The following KAZN variants were observed in gnomAD, a reference collection of about 807,000 sequenced individuals.
KAZN encodes the protein kazrin, periplakin interacting protein, also known as kazrin.
A neutral mutation model predicts 87.4 loss-of-function variants in KAZN; 40 were observed. The observed-to-expected ratio is 0.46, with a 90% confidence interval of 0.36 to 0.60. KAZN has a LOEUF of 0.60. KAZN is among the 20% of genes least tolerant of loss of function. The pLI is 0.00. For missense variants in KAZN, 898 were observed against 1,073.9 expected (o/e 0.84, Z 2.29); for synonymous variants, 466 against 458.3 (o/e 1.02, Z -0.22).
chr1:14,116,036 C>T (rs1343571506), intron 1 of KAZN, among the ~76,000 whole-genome samples: 2 of 152,188 alleles, frequency 1.3e-5, no homozygotes, highest in Admixed American at 6.5e-5. Flanking sequence ...CAAGATGTGA[C>T]TTGAGTGCTG....
At chr1:14,689,634 G>C (rs1641168257) in intron 1 of KAZN, among the ~76,000 whole-genome samples, 1 of 152,194 alleles carries the variant, frequency 6.6e-6, no homozygotes, top group African/African-American at 2.4e-5. Flanking sequence ...TGAAAAGCCA[G>C]AGTGACCAAG....
intron 2 of KAZN, among the ~76,000 whole-genome samples, chr1:14,450,461 G>A (rs1033762378): frequency 1.3e-5 from 2 of 152,118 alleles, no homozygotes; most frequent in Non-Finnish European, 2.9e-5. Context: ...GTGGTGGCAG[G>A]CACCTGTAAT....
intron 1 of KAZN, among the ~76,000 whole-genome samples, chr1:14,056,995 G>T (rs1642589082): frequency 7.0e-6 from 1 of 141,974 alleles, no homozygotes; most frequent in Non-Finnish European, 1.5e-5. Flanking sequence ...AGTGAGCTGT[G>T]ATCACACCAC....
intron 2 of KAZN, among the ~76,000 whole-genome samples, chr1:14,489,140 T>C (rs897478383): frequency 2.6e-5 from 4 of 152,200 alleles, no homozygotes; most frequent in Non-Finnish European, 5.9e-5. Flanking sequence ...TTGGGGTTTC[T>C]TATGATTGAG....
At chr1:14,615,242 C>T (rs1418569894) in intron 1 of KAZN, among the ~76,000 whole-genome samples, 1 of 152,170 alleles carries the variant, frequency 6.6e-6, no homozygotes, top group Non-Finnish European at 1.5e-5. Context: ...TGCTGGAAAC[C>T]AGAGGAGGGA....
intron 2 of KAZN, among the ~76,000 whole-genome samples, chr1:14,510,080 T>C (rs1670820394): frequency 6.6e-6 from 1 of 152,120 alleles, no homozygotes; most frequent in Admixed American, 6.6e-5. Context: ...GTGAGTACAG[T>C]TGCCAAATAA....
chr1:14,789,521 ATCGGGACACCCACCAG>A (rs1645608932), intron 1 of KAZN, among the ~76,000 whole-genome samples: 1 of 151,972 alleles, frequency 6.6e-6, no homozygotes, highest in South Asian at 2.1e-4. Flanking sequence ...ATTTCCATCT[ATCGGGACACCCACCAG>A]TCGGGACCCT....
At chr1:14,039,332 C>CT (rs1641702973) in intron 1 of KAZN, among the ~76,000 whole-genome samples, 1 of 152,228 alleles carries the variant, frequency 6.6e-6, no homozygotes. Flanking sequence ...GAGCTGCCCT[C>CT]TTATCAAGGC....
chr1:15,094,461 C>T lies in KAZN; in HGVS notation c.1428+76C>T. The T allele has an allele frequency of 7.4e-7, 1 of 1,353,082 alleles. No individual in the cohort carries two copies. The highest frequency in any genetic ancestry group is 1.0e-6 in the Non-Finnish European group (1 of 978,452). The allele number at this position is 1,353,082 out of a possible 1,614,324, so 83.8% of individuals were successfully genotyped here. On this transcript the variant is annotated intron_variant, in intron 9 of 14. Transcript: ENST00000376030. This position sits in a 1 kb window ranked among gnomAD's most constrained non-coding sequence, Gnocchi z 4.5. The stretch of plus-strand genomic sequence containing the variant: ...TTTACGTACCCAGAAGCTGGCCTGC[C>T]CCCCACTCCTACCCTGGAGTCAGGA...
At chr1:14,142,406 T>C (rs10803463) in intron 1 of KAZN, among the ~76,000 whole-genome samples, 91,754 of 152,102 alleles carry the variant, frequency 0.6, 28,020 homozygotes, top group East Asian at 0.74. Flanking sequence ...GGCTGCTTCT[T>C]AGCTTTTGGA....
chr1:14,486,827 G>C lies in KAZN; in HGVS notation c.250-112156G>C, dbSNP rs534331709. Among the ~76,000 whole-genome samples the C allele has an allele frequency of 3.9e-5, 6 of 152,324 alleles. No individual in the cohort carries two copies. The East Asian group carries it at 1.2e-3, about 29-fold the overall frequency. On this transcript the variant is annotated intron_variant, in intron 2 of 16. Coordinates refer to the KAZN transcript ENST00000636203. ...AAGTACTGACCACTGGGAAGTGCCA[G>C]GCATAATATTATACTTGCCAGGCCA...
chr1:14,470,205 T>TGAAAAACAGAAAAACA lies in KAZN; in HGVS notation c.250-128769_250-128768insAAAAACAGAAAAACAG, dbSNP rs141253885. Among the ~76,000 whole-genome samples the TGAAAAACAGAAAAACA allele has an allele frequency of 4.1e-3, 628 of 152,264 alleles. 4 individuals are homozygous for TGAAAAACAGAAAAACA. Among genetic ancestry groups the TGAAAAACAGAAAAACA allele is most frequent in the African/African-American group, 0.013 (553 of 41,544 alleles). Reference sequence around the variant, plus strand: ...ATAGCCCAGCTTGAAAATTCTGTTATGAAAAACAGGAAATATAGATACAGG... The same window carrying TGAAAAACAGAAAAACA: ...ATAGCCCAGCTTGAAAATTCTGTTATGAAAAACAGAAAAACAGAAAAACAGGAAATATAGATACAGG... On this transcript the variant is annotated intron_variant, in intron 2 of 16. Coordinates refer to the KAZN transcript ENST00000636203.
At chr1:14,028,390 TG>T (rs1212711155) in intron 1 of KAZN, among the ~76,000 whole-genome samples, 1 of 152,170 alleles carries the variant, frequency 6.6e-6, no homozygotes, top group Admixed American at 6.5e-5. Flanking sequence ...TGGTAGATCC[TG>T]GAGCTCGAAT....
intron 1 of KAZN, among the ~76,000 whole-genome samples, chr1:14,809,622 C>T (rs1325969891): frequency 6.6e-6 from 1 of 152,210 alleles, no homozygotes; most frequent in Non-Finnish European, 1.5e-5. Context: ...TGGCTAGAGC[C>T]AGAATCCTAT....
intron 1 of KAZN, among the ~76,000 whole-genome samples, chr1:14,702,011 C>T (rs892403688): frequency 1.3e-5 from 2 of 152,184 alleles, no homozygotes; most frequent in African/African-American, 2.4e-5. Context: ...GCCCCTTTCC[C>T]TACTTGTTGA....
At position 13,934,235 on chromosome 1, in the gene KAZN, T is replaced by C. The variant is rs575460127; in HGVS notation, c.91+40479T>C. Reference sequence around the variant, plus strand: ...AGTTGCGACAAAGGGTAAAGTGAGGTTGAGTTTCCTCAAGGACAAAGTGTG... The same window carrying C: ...AGTTGCGACAAAGGGTAAAGTGAGGCTGAGTTTCCTCAAGGACAAAGTGTG... On this transcript the variant is annotated intron_variant, in intron 1 of 16. Coordinates refer to the KAZN transcript ENST00000636203. Among the ~76,000 whole-genome samples, 3 of 152,252 alleles carry C rather than the reference T, an allele frequency of 2.0e-5. 1 individual carries two copies. Among genetic ancestry groups the C allele is most frequent in the Middle Eastern group, 6.8e-3 (2 of 294 alleles).
At chr1:14,050,201 C>T (rs1047842991) in intron 1 of KAZN, among the ~76,000 whole-genome samples, 9 of 148,064 alleles carry the variant, frequency 6.1e-5, no homozygotes, top group African/African-American at 1.3e-4. Flanking sequence ...CACATATGTG[C>T]ACATGTGTGG....
intron 1 of KAZN, among the ~76,000 whole-genome samples, chr1:14,900,479 C>A (rs919148064): frequency 2.6e-5 from 4 of 152,064 alleles, no homozygotes; most frequent in Admixed American, 2.6e-4. Flanking sequence ...GTTGGCCGGG[C>A]GCAGTGGCTC....
intron 2 of KAZN, among the ~76,000 whole-genome samples, chr1:14,462,745 ACTC>A (rs1667921252): frequency 6.6e-6 from 1 of 151,968 alleles, no homozygotes; most frequent in African/African-American, 2.4e-5. Context: ...GTGCAGGGGA[ACTC>A]CTCTTTATAA....
Sources: gnomAD v4.1 joint callset for allele counts (sites outside exome capture counted in the v4.1 genomes callset) on GRCh38, gnomAD v4.1.1 for gene constraint, Gnocchi (gnomAD v3.1) non-coding constraint, MANE v1.5 for transcripts, NCBI Gene and HGNC (gene_info 2026-07-23, HGNC 2026-07-21) for gene names.